SPAG16: variants seen among roughly 807,000 people sequenced by gnomAD.
SPAG16 encodes sperm associated antigen 16, also known as sperm-associated antigen 16 protein.
A neutral mutation model predicts 80.4 loss-of-function variants in SPAG16; 86 were observed. The observed-to-expected ratio is 1.07, with a 90% CI of 0.90 to 1.28. The LOEUF (loss-of-function observed/expected upper bound fraction) is 1.28. SPAG16 is among the 50% of genes most tolerant of loss of function. SPAG16 has a pLI of 0.00. For synonymous variants in SPAG16, 294 were observed against 265.9 expected (o/e 1.11, Z -1.03); for missense variants, 870 against 765.3 (o/e 1.14, Z -1.61).
At chr2:213,301,699 C>T (rs2062746434) in intron 3 of SPAG16, among the ~76,000 whole-genome samples, 1 of 152,084 alleles carries the variant, frequency 6.6e-6, no homozygotes, top group African/African-American at 2.4e-5. Flanking sequence ...ATGCAAATTT[C>T]AGTTTATCTC....
intron 15 of SPAG16, among the ~76,000 whole-genome samples, chr2:214,192,284 C>T (rs1017786604): frequency 2.0e-5 from 3 of 152,104 alleles, no homozygotes; most frequent in Non-Finnish European, 4.4e-5. Flanking sequence ...TCCTTCACTG[C>T]TCATCTTTCC....
intron 9 of SPAG16, among the ~76,000 whole-genome samples, chr2:213,426,118 T>G (rs2069897427): frequency 6.6e-6 from 1 of 152,224 alleles, no homozygotes; most frequent in African/African-American, 2.4e-5. Context: ...TTTTATGAAA[T>G]GTCTGCACAA....
chr2:213,617,641 C>G (rs1475029278), intron 10 of SPAG16, among the ~76,000 whole-genome samples: 4 of 151,898 alleles, frequency 2.6e-5, no homozygotes, highest in Non-Finnish European at 2.9e-5. Flanking sequence ...ATGCCCGGCC[C>G]AAAATAATTT....
chr2:213,613,680 T>G (rs1213232793), intron 10 of SPAG16, among the ~76,000 whole-genome samples: 1 of 152,206 alleles, frequency 6.6e-6, no homozygotes, highest in African/African-American at 2.4e-5. Flanking sequence ...TAGTTAGGTT[T>G]ATTGTTCTCT....
intron 15 of SPAG16, among the ~76,000 whole-genome samples, chr2:214,207,260 T>G (rs988750623): frequency 6.6e-6 from 1 of 152,174 alleles, no homozygotes; most frequent in East Asian, 1.9e-4. Flanking sequence ...AGGTGCTTTT[T>G]CTTCAACAAT....
At chr2:213,635,813 C>A (rs1477338016) in intron 10 of SPAG16, among the ~76,000 whole-genome samples, 1 of 151,950 alleles carries the variant, frequency 6.6e-6, no homozygotes, top group Non-Finnish European at 1.5e-5. Flanking sequence ...GTTTTTCATG[C>A]TGATTTGTTT....
intron 10 of SPAG16, among the ~76,000 whole-genome samples, chr2:213,761,343 A>G (rs1182229698): frequency 6.6e-6 from 1 of 152,166 alleles, no homozygotes; most frequent in Non-Finnish European, 1.5e-5. Context: ...TTTACAATGT[A>G]TGGAACTAGA....
chr2:213,807,997 C>A (rs571239594), intron 10 of SPAG16, among the ~76,000 whole-genome samples: 1 of 152,156 alleles, frequency 6.6e-6, no homozygotes, highest in East Asian at 1.9e-4. Flanking sequence ...AAACAAGATG[C>A]AATACAGACT....
chr2:214,068,061 A>C (rs142699715), intron 13 of SPAG16, among the ~76,000 whole-genome samples: 3 of 152,172 alleles, frequency 2.0e-5, no homozygotes, highest in African/African-American at 7.2e-5. Context: ...CCTGTTGTAT[A>C]AGGATGGAAC....
At chr2:213,734,813 T>C (rs12618720) in intron 10 of SPAG16, among the ~76,000 whole-genome samples, 43,671 of 152,024 alleles carry the variant, frequency 0.29, 7,851 homozygotes, top group East Asian at 0.54. Context: ...ATTTTTAAAC[T>C]TTTGAAAAGT....
intron 10 of SPAG16, among the ~76,000 whole-genome samples, chr2:213,515,680 G>A (rs1020685204): frequency 5.9e-5 from 9 of 152,142 alleles, no homozygotes; most frequent in Middle Eastern, 3.4e-3. Context: ...TTACCTTGGC[G>A]CTTTAAAGTG....
chr2:213,795,074 T>C (rs1453493681), intron 10 of SPAG16, among the ~76,000 whole-genome samples: 3 of 152,128 alleles, frequency 2.0e-5, no homozygotes, highest in African/African-American at 7.2e-5. Flanking sequence ...GTGCAAACTT[T>C]TAAAAATTAT....
rs141434268 is a variant in SPAG16 at position 213,294,159 on chromosome 2, A to G, written c.137-1905A>G. Reference sequence around the variant, plus strand: ...AGTTGGAATTTTTTTTAGATTCCACATATAAGTGAGACTATGCAGTATTTG... The same window carrying G: ...AGTTGGAATTTTTTTTAGATTCCACGTATAAGTGAGACTATGCAGTATTTG... On this transcript the variant is annotated intron_variant, in intron 1 of 15. Transcript: ENST00000331683. 8.6e-4 allele frequency among the ~76,000 whole-genome samples: 131 copies of G among 152,296 alleles called. 1 individual carries two copies. Among genetic ancestry groups the G allele is most frequent in the Admixed American group, 1.4e-3 (22 of 15,286 alleles).
At chr2:214,143,371 T>C (rs1164470565) in intron 14 of SPAG16, among the ~76,000 whole-genome samples, 1 of 151,948 alleles carries the variant, frequency 6.6e-6, no homozygotes, top group Admixed American at 6.6e-5. Context: ...ATTTCATAGG[T>C]ATTTTTTAAG....
chr2:213,352,841 C>T (rs1280670125), intron 7 of SPAG16, among the ~76,000 whole-genome samples: 1 of 152,140 alleles, frequency 6.6e-6, no homozygotes, highest in Non-Finnish European at 1.5e-5. Context: ...CCTACTCCTG[C>T]TGAAGACAAA....
chr2:214,029,743 A>G (rs368149721), intron 13 of SPAG16, among the ~76,000 whole-genome samples: 2 of 152,142 alleles, frequency 1.3e-5, no homozygotes, highest in East Asian at 1.9e-4. Flanking sequence ...AGAAGCGACA[A>G]ATTACTCAGT....
intron 15 of SPAG16, among the ~76,000 whole-genome samples, chr2:214,329,933 G>A (rs553770611): frequency 6.6e-6 from 1 of 152,060 alleles, no homozygotes; most frequent in African/African-American, 2.4e-5. Context: ...GAAAAAGAAG[G>A]GAAGACAGAT....
chr2:214,097,133 A>G (rs1464714598), intron 13 of SPAG16, among the ~76,000 whole-genome samples: 1 of 152,076 alleles, frequency 6.6e-6, no homozygotes, highest in African/African-American at 2.4e-5. Flanking sequence ...AAACTAAGGT[A>G]GTAGCCATAA....
At chr2:214,178,466 T>C (rs1356766112) in intron 15 of SPAG16, among the ~76,000 whole-genome samples, 3 of 151,300 alleles carry the variant, frequency 2.0e-5, no homozygotes, top group Non-Finnish European at 4.4e-5. Context: ...AGGAAACATC[T>C]GGATGTGGGT....
Sources: allele counts gnomAD v4.1 joint callset (sites outside exome capture counted in the v4.1 genomes callset), GRCh38; gene constraint gnomAD v4.1.1; transcripts MANE v1.5; gene names NCBI Gene and HGNC (gene_info 2026-07-23, HGNC 2026-07-21).